ROBO1: variants seen among roughly 807,000 people sequenced by gnomAD.
The protein encoded by ROBO1 is roundabout homolog 1.
Under a neutral mutation model 195.9 loss-of-function variants are expected in ROBO1, and 149 were observed. That is an observed-to-expected ratio of 0.76 (90% CI 0.67 to 0.87). ROBO1 has a LOEUF of 0.87. ROBO1 is among the 40% of genes least tolerant of loss of function. ROBO1 has a pLI of 0.00. For synonymous variants in ROBO1, 816 were observed against 733.2 expected (o/e 1.11, Z -1.82); for missense variants, 1,933 against 2,068.3 (o/e 0.93, Z 1.27).
intron 3 of ROBO1, among the ~76,000 whole-genome samples, chr3:79,054,965 A>T (rs562468937): frequency 6.6e-6 from 1 of 152,244 alleles, no homozygotes; most frequent in East Asian, 1.9e-4. Flanking sequence ...CTTCTGTCTC[A>T]GTACAATGCT....
At chr3:79,221,039 G>A (rs1245512295) in intron 2 of ROBO1, among the ~76,000 whole-genome samples, 1 of 151,994 alleles carries the variant, frequency 6.6e-6, no homozygotes, top group East Asian at 1.9e-4. Context: ...GGAAGTGGGT[G>A]CAAAATCACC....
At chr3:79,312,917 A>G (rs1023546628) in intron 2 of ROBO1, among the ~76,000 whole-genome samples, 1 of 152,214 alleles carries the variant, frequency 6.6e-6, no homozygotes, top group Non-Finnish European at 1.5e-5. Context: ...ATACACATAC[A>G]TAATACAGAT....
chr3:79,615,802 A>G (rs1944800537), intron 1 of ROBO1, among the ~76,000 whole-genome samples: 1 of 152,206 alleles, frequency 6.6e-6, no homozygotes, highest in Non-Finnish European at 1.5e-5. Context: ...AGGAATGGGC[A>G]ATATTTGCAC....
At chr3:79,045,175 A>G (rs2078567150) in intron 3 of ROBO1, among the ~76,000 whole-genome samples, 1 of 151,992 alleles carries the variant, frequency 6.6e-6, no homozygotes, top group South Asian at 2.1e-4. Context: ...TAATAAAAAT[A>G]CTGAGTTAAA....
chr3:79,015,089 G>A (rs1252612229), intron 3 of ROBO1, among the ~76,000 whole-genome samples: 1 of 152,054 alleles, frequency 6.6e-6, no homozygotes, highest in Admixed American at 6.6e-5. Flanking sequence ...AAAACTTCAG[G>A]TAAACTTTCT....
intron 2 of ROBO1, among the ~76,000 whole-genome samples, chr3:79,516,326 C>T (rs1437438721): frequency 2.6e-5 from 4 of 152,114 alleles, no homozygotes; most frequent in Admixed American, 2.6e-4. Flanking sequence ...CTCACTTCTT[C>T]ATTCACAGCT....
chr3:78,791,403 T>G (rs186300116), intron 4 of ROBO1, among the ~76,000 whole-genome samples: 51 of 152,162 alleles, frequency 3.4e-4, no homozygotes, highest in Non-Finnish European at 5.0e-4. Flanking sequence ...AACAAAATCT[T>G]CTCTCTCATA....
At chr3:79,199,615 G>A (rs905068746) in intron 2 of ROBO1, among the ~76,000 whole-genome samples, 4 of 148,424 alleles carry the variant, frequency 2.7e-5, no homozygotes, top group East Asian at 2.0e-4. Context: ...TTTTTTTTTT[G>A]TTTGTCTGTT....
chr3:78,609,927 T>C (rs762036929), intron 28 of ROBO1, among the ~76,000 whole-genome samples: 3 of 152,228 alleles, frequency 2.0e-5, no homozygotes, highest in Non-Finnish European at 4.4e-5. Flanking sequence ...TGGCATTATA[T>C]GCTAAAGCTA....
chr3:79,371,634 G>A (rs1395302366), intron 2 of ROBO1, among the ~76,000 whole-genome samples: 2 of 152,092 alleles, frequency 1.3e-5, no homozygotes, highest in African/African-American at 4.8e-5. Context: ...AGTGCGGAGG[G>A]TAATATATAA....
intron 5 of ROBO1, among the ~76,000 whole-genome samples, chr3:78,729,159 C>A (rs1188576674): frequency 6.6e-6 from 1 of 152,284 alleles, no homozygotes; most frequent in Admixed American, 6.5e-5. Context: ...TTCCTCATAA[C>A]AATTGATAAA....
rs1576889797 is a variant in ROBO1 at position 79,260,464 on chromosome 3, C to T, written c.89-134925G>A. 1.3e-5 allele frequency among the ~76,000 whole-genome samples: 2 copies of T among 152,068 alleles called. 1 individual carries two copies. The highest frequency in any genetic ancestry group is 3.9e-4 in the East Asian group (2 of 5,180). ...TTATGAAAAATAAAATTTTCTAATA[C>T]CTTTTAGTGACACAACCTCAGAATT... On this transcript the variant is annotated intron_variant, in intron 2 of 30. Coordinates refer to ENST00000464233, the MANE Select transcript of ROBO1 (RefSeq NM_002941.4).
intron 25 of ROBO1, among the ~76,000 whole-genome samples, chr3:78,630,411 G>C (rs1705110222): frequency 6.6e-6 from 1 of 152,116 alleles, no homozygotes; most frequent in Non-Finnish European, 1.5e-5. Flanking sequence ...AAGCACAGAG[G>C]CTTTGTTTCT....
chr3:78,965,830 T>G (rs1164582484), intron 3 of ROBO1, among the ~76,000 whole-genome samples: 1 of 152,206 alleles, frequency 6.6e-6, no homozygotes, highest in African/African-American at 2.4e-5. Flanking sequence ...AAATATAACT[T>G]TCTGCAATGA....
intron 4 of ROBO1, among the ~76,000 whole-genome samples, chr3:78,864,716 A>G (rs750813225): frequency 1.3e-5 from 2 of 151,876 alleles, no homozygotes; most frequent in African/African-American, 2.4e-5. Flanking sequence ...ATATATACAC[A>G]TGTGTGTATA....
intron 2 of ROBO1, among the ~76,000 whole-genome samples, chr3:79,540,991 A>G (rs1334457666): frequency 2.6e-5 from 4 of 152,128 alleles, no homozygotes; most frequent in African/African-American, 4.8e-5. Context: ...AATAGATGAG[A>G]TGAAGTCTTA....
chr3:79,327,405 A>G (rs751952622), intron 2 of ROBO1, among the ~76,000 whole-genome samples: 61 of 152,094 alleles, frequency 4.0e-4, no homozygotes, highest in Non-Finnish European at 5.7e-4. Flanking sequence ...ATACATGTTC[A>G]AGAAAATATA....
intron 8 of ROBO1, among the ~76,000 whole-genome samples, chr3:78,689,063 C>T (rs2081113814): frequency 6.6e-6 from 1 of 152,062 alleles, no homozygotes; most frequent in East Asian, 1.9e-4. Context: ...TGTAAATATA[C>T]CTGAATTTTT....
chr3:79,694,393 A>G (rs187556259), intron 1 of ROBO1, among the ~76,000 whole-genome samples: 98 of 151,914 alleles, frequency 6.5e-4, no homozygotes, highest in Middle Eastern at 3.4e-3. Flanking sequence ...CTAAATTTCT[A>G]CTTGATACAG....
Sources: allele counts gnomAD v4.1 joint callset (sites outside exome capture counted in the v4.1 genomes callset), GRCh38; gene constraint gnomAD v4.1.1; transcripts MANE v1.5; gene names NCBI Gene and HGNC (gene_info 2026-07-23, HGNC 2026-07-21).